Variants in FABP4 observed in about 807,000 individuals in gnomAD.
The protein encoded by FABP4 is fatty acid-binding protein, adipocyte.
In FABP4, 17 loss-of-function variants were observed where a neutral mutation model predicts 14.6. The observed-to-expected ratio is 1.16, with a 90% CI of 0.80 to 1.74. The LOEUF is 1.74. FABP4 is among the 40% of genes most tolerant of loss of function. The pLI, the probability that FABP4 is intolerant of heterozygous loss-of-function variation, is 0.00. For missense variants in FABP4, 149 were observed against 160.3 expected, an observed-to-expected ratio of 0.93 and a Z score of 0.38; for synonymous variants, 54 against 54.6, an observed-to-expected ratio of 0.99 and a Z score of 0.05.
At position 81,481,761 on chromosome 8, in the gene FABP4, G is replaced by A. The variant is rs73694940; in HGVS notation, c.74-1163C>T. Among the ~76,000 whole-genome samples, 643 of 152,288 alleles carry A rather than the reference G, an allele frequency of 4.2e-3. 7 individuals carry two copies. The highest frequency in any genetic ancestry group is 0.015 in the African/African-American group (607 of 41,566). ...TAAATGTATGAAGTGAGTCCACTTC[G>A]TGAATGCAGGCAAAACTGAGTGTGA... On this transcript the variant is annotated intron_variant, in intron 1 of 3. Transcript: ENST00000256104.
chr8:81,480,477 G>A lies in FABP4; in HGVS notation c.195C>T (p.Phe65=), dbSNP rs149072307. The A allele has an allele frequency of 1.3e-4, 210 of 1,613,678 alleles. No individual in the cohort carries two copies. The highest frequency in any genetic ancestry group is 9.5e-5 in the Non-Finnish European group (112 of 1,179,784). The change falls in exon 2 of 4, where the codon TTC becomes TTT. Residue 65 remains phenylalanine (F), a synonymous_variant. Transcript: ENST00000256104. ...ESTFKNTEIS[F]ILGQEFDEVT... ...CTTCGTCAAATTCCTGGCCCAGTAT[G>A]AAGGAAATCTCAGTATTTTTAAAGG...
chr8:81,482,051 A>G (rs970108120), intron 1 of FABP4, among the ~76,000 whole-genome samples: 1 of 152,156 alleles, frequency 6.6e-6, no homozygotes, highest in Middle Eastern at 3.2e-3. Flanking sequence ...GCATCAGTGC[A>G]TATTAATTAG....
chr8:81,479,044 A>T, intron 3 of FABP4, 129 bp from the exon 4 acceptor site: 4 of 760,458 alleles, frequency 5.3e-6, no homozygotes, highest in Non-Finnish European at 8.9e-6. Context: ...CTATATATGT[A>T]ACCCATATAT....
At chr8:81,479,790 G>T in intron 2 of FABP4, 1 of 250,032 alleles carries the variant, frequency 4.0e-6, no homozygotes, top group Non-Finnish European at 7.5e-6. Flanking sequence ...TAGTATGGGT[G>T]GTTTTTCTAT....
chr8:81,482,802 A>T (rs927503941), intron 1 of FABP4, among the ~76,000 whole-genome samples: 1 of 152,220 alleles, frequency 6.6e-6, no homozygotes, highest in South Asian at 2.1e-4. Context: ...TAAACCAAGG[A>T]TACCCAAGTT....
Position 81,483,030 on chromosome 8 carries a change from C to A in FABP4, c.73+65G>T, listed in dbSNP as rs1202733519. On this transcript the variant is annotated intron_variant, in intron 1 of 3. Transcript: ENST00000256104. ...CTTCCAGACATTGCTATAAACACAG[C>A]TGTAAACTCTTTTTCCCAAAAGAAA... 4.5e-6 allele frequency: 6 copies of A among 1,346,622 alleles called. No individual in the cohort carries two copies. In the African/African-American group the frequency reaches 7.3e-5, roughly 16 times the overall value. The allele number at this position is 1,346,622 out of a possible 1,614,324, so 83.4% of individuals were successfully genotyped here. A position where few individuals can be genotyped will look rare whatever the true frequency, so the allele number is the denominator to read the frequency against.
At chr8:81,479,346 A>G in intron 3 of FABP4, 68 bp downstream of exon 3, 1 of 1,212,956 alleles carries the variant, frequency 8.2e-7, no homozygotes. Flanking sequence ...CTGTTTCCTT[A>G]AGTGGAATAG....
At chr8:81,481,306 A>G (rs77590386) in intron 1 of FABP4, among the ~76,000 whole-genome samples, 2,042 of 152,320 alleles carry the variant, frequency 0.013, 43 homozygotes, top group African/African-American at 0.046. Flanking sequence ...TTTAAAAGGG[A>G]CTAGTCATCA....
At chr8:81,481,940 T>G (rs1176611131) in intron 1 of FABP4, among the ~76,000 whole-genome samples, 1 of 152,140 alleles carries the variant, frequency 6.6e-6, no homozygotes, top group Admixed American at 6.6e-5. Flanking sequence ...AATCAGCCCT[T>G]TATAATTTAA....
chr8:81,479,417 C>T lies in FABP4; in HGVS notation c.345G>A (p.Val115=), dbSNP rs141316605. The T allele has an allele frequency of 5.9e-5, 95 of 1,611,956 alleles. No individual in the cohort carries two copies. The African/African-American group carries it at 1.2e-3, about 20-fold the overall frequency. ...IKRKREDDKL[V]VECVMKGVTS... Reference sequence around the variant, plus strand: ...TAAGTAGCTAGAAGATACTCACCACCACCAGTTTATCATCCTCTCGTTTTC... The same window carrying T: ...TAAGTAGCTAGAAGATACTCACCACTACCAGTTTATCATCCTCTCGTTTTC... The change falls in exon 3 of 4, where the codon GTG becomes GTA. Residue 115 remains valine (V), a synonymous_variant. Transcript: ENST00000256104.
rs911811523 is a variant in FABP4, at chr8:81,478,774, A to G, written c.*91T>C. ...GAGAAAATTAGTTGCTTGCTAAATC[A>G]TGGAAAACAACAATATCTTTTTGAA... On this transcript the variant is annotated 3_prime_UTR_variant, in exon 4 of 4. Coordinates refer to ENST00000256104, the MANE Select transcript of FABP4 (RefSeq NM_001442.3). 8.2e-6 allele frequency: 10 copies of G among 1,214,080 alleles called. No homozygotes were observed. The highest frequency in any genetic ancestry group is 1.5e-5 in the African/African-American group (1 of 65,856). The allele number at this position is 1,214,080 out of a possible 1,614,324, so 75.2% of individuals were successfully genotyped here.
intron 2 of FABP4, chr8:81,479,928 C>A (rs1446875915): frequency 6.3e-6 from 1 of 159,996 alleles, no homozygotes; most frequent in Non-Finnish European, 1.4e-5. Flanking sequence ...TGGAGACAGG[C>A]CAGGTGTGGT....
chr8:81,480,230 A>G (rs1293483469), intron 2 of FABP4, among the ~76,000 whole-genome samples, 196 bp downstream of exon 2: 1 of 152,144 alleles, frequency 6.6e-6, no homozygotes, highest in East Asian at 1.9e-4. Context: ...ATACTTTTTT[A>G]ACATGAGGAC....
chr8:81,480,516 A>G lies in FABP4; in HGVS notation c.156T>C (p.Ile52=). Residue 52 remains isoleucine, a synonymous_variant, in exon 2 of 4, where the codon ATT becomes ATC. Transcript: ENST00000256104. Reference sequence around the variant, plus strand: ...TATTTTTAAAGGTACTTTCAGATTTAATGGTGATCACATCCCCATTCACAC... The same window carrying G: ...TATTTTTAAAGGTACTTTCAGATTTGATGGTGATCACATCCCCATTCACAC... The part of the protein sequence containing the change: ...IISVNGDVIT[I]KSESTFKNTE... 1.2e-6 allele frequency: 2 copies of G among 1,613,920 alleles called. No homozygotes were observed. The highest frequency in any genetic ancestry group is 1.1e-5 in the South Asian group (1 of 91,072).
intron 1 of FABP4, among the ~76,000 whole-genome samples, 164 bp downstream of exon 1, chr8:81,482,931 A>G (rs1808102089): frequency 6.6e-6 from 1 of 152,180 alleles, no homozygotes; most frequent in South Asian, 2.1e-4. Context: ...GAATTTCTCT[A>G]GAAACAAATG....
In FABP4 at chr8:81,480,417, A is replaced by G. The variant is rs1242406533; in HGVS notation, c.246+9T>C. The G allele has an allele frequency of 6.2e-7, 1 of 1,612,580 alleles. No homozygotes were observed. The highest frequency in any genetic ancestry group is 8.5e-7 in the Non-Finnish European group (1 of 1,179,080). On this transcript the variant is annotated intron_variant, in intron 2 of 3. Coordinates refer to ENST00000256104, the MANE Select transcript of FABP4 (RefSeq NM_001442.3). ...GGCATGTACTCTGTGCCACTTCCTTATTTCTCACCTTGACTTTCCTGTCAT... is the reference window on the plus strand; with the variant it reads ...GGCATGTACTCTGTGCCACTTCCTTGTTTCTCACCTTGACTTTCCTGTCAT...
At chr8:81,479,563 A>C (rs750446901) in intron 2 of FABP4, 48 bp from the exon 3 acceptor site, 8 of 1,385,952 alleles carry the variant, frequency 5.8e-6, no homozygotes, top group African/African-American at 2.9e-5. Flanking sequence ...GGAGGCAGAA[A>C]AAAATTTAAA....
intron 3 of FABP4, 78 bp downstream of exon 3, chr8:81,479,336 C>T (rs1471389574): frequency 1.8e-6 from 2 of 1,127,268 alleles, no homozygotes; most frequent in South Asian, 2.9e-5. Flanking sequence ...AAAGGAAAAT[C>T]TGTTTCCTTA....
chr8:81,480,665 ATGTG>A, intron 1 of FABP4, 67 bp from the exon 2 acceptor site: 2 of 1,471,606 alleles, frequency 1.4e-6, no homozygotes, highest in Non-Finnish European at 1.8e-6. Context: ...AAGTCAGAGA[ATGTG>A]TGTGTGCACA....
Sources: allele counts gnomAD v4.1 joint callset (sites outside exome capture counted in the v4.1 genomes callset), GRCh38; gene constraint gnomAD v4.1.1; transcripts MANE v1.5; gene names NCBI Gene and HGNC (gene_info 2026-07-23, HGNC 2026-07-21).